URI1: variants seen among roughly 807,000 people sequenced by gnomAD.
The protein encoded by URI1 is unconventional prefoldin RPB5 interactor 1.
Under a neutral mutation model 60.2 loss-of-function variants are expected in URI1, and 39 were observed. The observed-to-expected ratio is 0.65, with a 90% CI of 0.50 to 0.85. The LOEUF (loss-of-function observed/expected upper bound fraction) is 0.85. Among genes scored for constraint, URI1 ranks in the 40% least tolerant of loss-of-function variants. URI1 has a pLI of 0.00. For missense variants in URI1, 691 were observed against 665.9 expected, an observed-to-expected ratio of 1.04 and a Z score of -0.42; for synonymous variants, 251 against 236.8, an observed-to-expected ratio of 1.06 and a Z score of -0.55.
rs746993273 is a variant in URI1 at position 29,986,425 on chromosome 19, C to A, written c.367+8C>A. 2 of 1,601,402 alleles carry A rather than the reference C, an allele frequency of 1.2e-6. No individual in the cohort carries two copies. Among genetic ancestry groups the A allele is most frequent in the East Asian group, 2.3e-5 (1 of 44,264 alleles). Reference sequence around the variant, plus strand: ...TTGAGCACCGGAAAGAACGTAGGTACCCATTTTAAATGATGTTTCTTTGTT... The same window carrying A: ...TTGAGCACCGGAAAGAACGTAGGTAACCATTTTAAATGATGTTTCTTTGTT... On this transcript the variant is annotated splice_region_variant and intron_variant, in intron 4 of 10. Transcript: ENST00000392271.
intron 2 of URI1, among the ~76,000 whole-genome samples, chr19:29,975,648 C>T (rs150624211): frequency 3.3e-5 from 5 of 152,084 alleles, no homozygotes; most frequent in East Asian, 3.9e-4. Context: ...AGATTACAGG[C>T]GCGTGCCGCC....
Position 29,942,448 on chromosome 19 carries a change from C to T in URI1, c.-100C>T. The stretch of plus-strand genomic sequence containing the variant: ...CTCCTGGGCGCGGGGCGCGCGGTGC[C>T]TGAGGGCGGGCGCGCGGGCGCTGGG... On this transcript the variant is annotated 5_prime_UTR_variant, in exon 1 of 11. Coordinates refer to ENST00000392271, the MANE Select transcript of URI1 (RefSeq NM_003796.3). 1.0e-6 allele frequency: 1 copy of T among 1,002,304 alleles called. No homozygotes were observed. The highest frequency in any genetic ancestry group is 1.2e-6 in the Non-Finnish European group (1 of 841,688). The allele number at this position is 1,002,304 out of a possible 1,614,324, so 62.1% of individuals were successfully genotyped here.
At chr19:29,958,169 G>C (rs2055274928) in intron 1 of URI1, 1 of 152,062 alleles carries the variant, frequency 6.6e-6, no homozygotes, top group African/African-American at 2.4e-5. Flanking sequence ...CATGTTGTTT[G>C]TAAATACTGA....
chr19:29,946,287 G>A (rs1373701160), intron 1 of URI1, among the ~76,000 whole-genome samples: 1 of 152,100 alleles, frequency 6.6e-6, no homozygotes, highest in African/African-American at 2.4e-5. Flanking sequence ...TGTTCAGGGA[G>A]GTTTCCTTGT....
intron 4 of URI1, among the ~76,000 whole-genome samples, chr19:29,998,193 T>A (rs2055836574): frequency 6.6e-6 from 1 of 152,198 alleles, no homozygotes; most frequent in African/African-American, 2.4e-5. Flanking sequence ...TTAGAAAAGA[T>A]ACTTTATATG....
intron 4 of URI1, among the ~76,000 whole-genome samples, chr19:30,001,001 G>GT (rs2055871447): frequency 1.3e-5 from 2 of 151,500 alleles, no homozygotes; most frequent in Non-Finnish European, 3.0e-5. Context: ...TTCTTTGGCT[G>GT]TTTCTTTGTT....
intron 2 of URI1, among the ~76,000 whole-genome samples, chr19:29,974,536 C>G (rs998639691): frequency 2.6e-5 from 4 of 152,108 alleles, no homozygotes; most frequent in African/African-American, 9.7e-5. Flanking sequence ...ATGATTTTCT[C>G]TAAACTGTTC....
chr19:29,942,150 C>T (rs1331297825), upstream of URI1: 1 of 940,876 alleles, frequency 1.1e-6, no homozygotes, highest in African/African-American at 1.8e-5. Context: ...GCATCAAGCG[C>T]ACTCCCCTGG....
upstream of URI1, among the ~76,000 whole-genome samples, chr19:29,941,142 G>C (rs1175642239): frequency 6.6e-6 from 1 of 152,338 alleles, no homozygotes; most frequent in East Asian, 1.9e-4. Flanking sequence ...AGGCACACCA[G>C]GCTGTGACTC....
At chr19:29,990,861 A>G (rs2055737380) in intron 4 of URI1, among the ~76,000 whole-genome samples, 1 of 152,206 alleles carries the variant, frequency 6.6e-6, no homozygotes. Flanking sequence ...GGTGAATTGT[A>G]TGTTATGTGA....
At chr19:29,971,445 T>A (rs2055458707) in intron 2 of URI1, among the ~76,000 whole-genome samples, 1 of 151,924 alleles carries the variant, frequency 6.6e-6, no homozygotes, top group South Asian at 2.1e-4. Context: ...GTGTTACCAC[T>A]TGTATTTATT....
intron 2 of URI1, among the ~76,000 whole-genome samples, chr19:29,975,439 A>C (rs2055508425): frequency 2.0e-5 from 3 of 151,980 alleles, no homozygotes; most frequent in African/African-American, 4.8e-5. Context: ...GGAGGTATGA[A>C]AGGATGTAAA....
intron 7 of URI1, among the ~76,000 whole-genome samples, chr19:30,008,100 TA>T: frequency 6.6e-6 from 1 of 152,180 alleles, no homozygotes; most frequent in East Asian, 1.9e-4. Flanking sequence ...TTTCCTTTTA[TA>T]AACTTTGGAG....
At chr19:29,927,720 A>G (rs2054881884) in intron 1 of URI1, among the ~76,000 whole-genome samples, 1 of 151,288 alleles carries the variant, frequency 6.6e-6, no homozygotes, top group Non-Finnish European at 1.5e-5. Context: ...GGGATTACAG[A>G]CGCCTGCCAT....
At chr19:29,991,399 T>C (rs942060934) in intron 4 of URI1, among the ~76,000 whole-genome samples, 1 of 152,200 alleles carries the variant, frequency 6.6e-6, no homozygotes, top group African/African-American at 2.4e-5. Flanking sequence ...AATCTTGTTT[T>C]TCAAGTGTTC....
intron 4 of URI1, among the ~76,000 whole-genome samples, chr19:29,989,383 G>C (rs1229491472): frequency 6.7e-6 from 1 of 148,798 alleles, no homozygotes. Context: ...AAAGTGCTGC[G>C]ATTACAGGCG....
chr19:29,974,114 C>T (rs914331468), intron 2 of URI1, among the ~76,000 whole-genome samples: 5 of 152,038 alleles, frequency 3.3e-5, no homozygotes, highest in African/African-American at 4.8e-5. Flanking sequence ...CATTTACTAG[C>T]GTTTTGACCT....
At chr19:29,963,446 G>A (rs745334048) in intron 1 of URI1, among the ~76,000 whole-genome samples, 23 of 151,902 alleles carry the variant, frequency 1.5e-4, no homozygotes, top group Non-Finnish European at 3.2e-4. Context: ...GTTTCTTCCT[G>A]TAGATTTCAG....
At chr19:29,950,223 C>G (rs536859130) in intron 1 of URI1, among the ~76,000 whole-genome samples, 1 of 152,112 alleles carries the variant, frequency 6.6e-6, no homozygotes, top group South Asian at 2.1e-4. Context: ...TTAGGCTTCT[C>G]TAGATTGGAA....
Sources: gnomAD v4.1 joint callset for allele counts (sites outside exome capture counted in the v4.1 genomes callset) on GRCh38, gnomAD v4.1.1 for gene constraint, MANE v1.5 for transcripts, NCBI Gene and HGNC (gene_info 2026-07-23, HGNC 2026-07-21) for gene names.